Variants in KCNG3 observed in about 807,000 individuals in gnomAD.
The protein encoded by KCNG3 is voltage-gated potassium channel regulatory subunit KCNG3.
KCNG3 carries 15 observed loss-of-function variants against 29.0 expected under a neutral mutation model. That is an observed-to-expected ratio of 0.52 (90% CI 0.35 to 0.80). The LOEUF is 0.80. Among genes scored for constraint, KCNG3 ranks in the 30% least tolerant of loss-of-function variants. KCNG3 has a pLI of 0.01. For missense variants in KCNG3, 512 were observed against 605.7 expected (o/e 0.85, Z 1.62); for synonymous variants, 322 against 248.9 (o/e 1.29, Z -2.76).
intron 1 of KCNG3, among the ~76,000 whole-genome samples, chr2:42,467,438 CGGGTGG>C: frequency 6.6e-6 from 1 of 152,140 alleles, no homozygotes; most frequent in South Asian, 2.1e-4. Context: ...GAGGCCAAGG[CGGGTGG>C]ATCATCTGAG....
At chr2:42,425,355 C>T in the KCNG3 span, among the ~76,000 whole-genome samples, 1 of 149,122 alleles carries the variant, frequency 6.7e-6, no homozygotes, top group Admixed American at 6.7e-5. Flanking sequence ...ACTAAGGTCC[C>T]GCCACTGCAC....
chr2:42,467,206 A>G (rs1456632004), intron 1 of KCNG3, among the ~76,000 whole-genome samples: 1 of 152,204 alleles, frequency 6.6e-6, no homozygotes, highest in Non-Finnish European at 1.5e-5. Flanking sequence ...CGGTCCTACA[A>G]TCATGAAAAA....
At chr2:42,412,130 G>T in the KCNG3 span, among the ~76,000 whole-genome samples, 1 of 152,170 alleles carries the variant, frequency 6.6e-6, no homozygotes, top group Admixed American at 6.5e-5. Context: ...AGAAGATTGT[G>T]GTGGCAGCAG....
At chr2:42,449,658 C>T (rs1273327671) in intron 1 of KCNG3, among the ~76,000 whole-genome samples, 1 of 151,908 alleles carries the variant, frequency 6.6e-6, no homozygotes, top group African/African-American at 2.4e-5. Context: ...GCTGGGATTA[C>T]AGGCGCGCAC....
the KCNG3 span, among the ~76,000 whole-genome samples, chr2:42,421,072 T>C: frequency 1.3e-4 from 20 of 152,144 alleles, no homozygotes; most frequent in Non-Finnish European, 2.5e-4. Flanking sequence ...ACACAAATCA[T>C]GAAACAATAG....
chr2:42,407,340 TA>T, the KCNG3 span, among the ~76,000 whole-genome samples: 1 of 152,080 alleles, frequency 6.6e-6, no homozygotes, highest in African/African-American at 2.4e-5. Flanking sequence ...CACACCCAGC[TA>T]ATATTTTTAG....
At chr2:42,464,630 T>C (rs567491034) in intron 1 of KCNG3, among the ~76,000 whole-genome samples, 2 of 152,324 alleles carry the variant, frequency 1.3e-5, no homozygotes, top group South Asian at 4.1e-4. Flanking sequence ...CTCCAACTAA[T>C]GGAAAGTAAC....
chr2:42,464,858 T>G (rs1673102001), intron 1 of KCNG3, among the ~76,000 whole-genome samples: 1 of 152,130 alleles, frequency 6.6e-6, no homozygotes. Context: ...GGTTGTAAAT[T>G]CAGCCGTCTG....
chr2:42,414,135 T>C, the KCNG3 span, among the ~76,000 whole-genome samples: 3 of 152,230 alleles, frequency 2.0e-5, no homozygotes, highest in Admixed American at 6.5e-5. Flanking sequence ...TATTTAAAGT[T>C]TGTCAACATG....
At chr2:42,468,409 C>T (rs1432402245) in intron 1 of KCNG3, among the ~76,000 whole-genome samples, 3 of 152,060 alleles carry the variant, frequency 2.0e-5, no homozygotes, top group Non-Finnish European at 2.9e-5. Flanking sequence ...GTCTATACTG[C>T]TACAAGTAAG....
chr2:42,422,012 G>T, the KCNG3 span, among the ~76,000 whole-genome samples: 2 of 152,160 alleles, frequency 1.3e-5, no homozygotes, highest in Non-Finnish European at 2.9e-5. Flanking sequence ...GTTGCATTAA[G>T]AAAATAATGT....
chr2:42,489,587 G>A (rs753290247), intron 1 of KCNG3, among the ~76,000 whole-genome samples: 1 of 152,110 alleles, frequency 6.6e-6, no homozygotes, highest in African/African-American at 2.4e-5. Context: ...AAGGAGTTCA[G>A]GAGGAAACAT....
the KCNG3 span, among the ~76,000 whole-genome samples, chr2:42,425,471 G>A: frequency 6.6e-6 from 1 of 151,844 alleles, no homozygotes; most frequent in Non-Finnish European, 1.5e-5. Context: ...TGTAGAGTGT[G>A]GGCAGAAGAG....
chr2:42,484,544 G>T (rs1382442439), intron 1 of KCNG3, among the ~76,000 whole-genome samples: 1 of 152,202 alleles, frequency 6.6e-6, no homozygotes, highest in East Asian at 1.9e-4. Context: ...GCATGTATGT[G>T]TTTGTGTGTG....
the KCNG3 span, among the ~76,000 whole-genome samples, chr2:42,435,434 A>C: frequency 6.6e-6 from 1 of 152,238 alleles, no homozygotes; most frequent in Admixed American, 6.5e-5. Flanking sequence ...AAACATCAAA[A>C]TTTAAAATGT....
the KCNG3 span, among the ~76,000 whole-genome samples, chr2:42,393,993 C>T: frequency 6.6e-6 from 1 of 152,126 alleles, no homozygotes; most frequent in Non-Finnish European, 1.5e-5. Flanking sequence ...GTTGGCCAGA[C>T]TGGTCTTGAA....
the KCNG3 span, among the ~76,000 whole-genome samples, chr2:42,436,142 G>A: frequency 6.3e-3 from 966 of 152,204 alleles, 26 homozygotes; most frequent in Non-Finnish European, 4.0e-3. Flanking sequence ...CAAAAGGCCA[G>A]CCACATATCA....
intron 1 of KCNG3, among the ~76,000 whole-genome samples, chr2:42,479,121 C>T (rs892553844): frequency 2.0e-5 from 3 of 152,132 alleles, no homozygotes; most frequent in African/African-American, 7.2e-5. Context: ...TTGGGACGCT[C>T]AATCTGTAGC....
chr2:42,422,631 C>G, the KCNG3 span, among the ~76,000 whole-genome samples: 1 of 152,112 alleles, frequency 6.6e-6, no homozygotes, highest in African/African-American at 2.4e-5. Context: ...TAGATAACTT[C>G]TGGTATACCT....
Sources: gnomAD v4.1 joint callset for allele counts (sites outside exome capture counted in the v4.1 genomes callset) on GRCh38, gnomAD v4.1.1 for gene constraint, MANE v1.5 for transcripts, NCBI Gene and HGNC (gene_info 2026-07-23, HGNC 2026-07-21) for gene names.